CACHD1: variants seen among roughly 807,000 people sequenced by gnomAD.
CACHD1 encodes the protein cache domain containing 1.
Under a neutral mutation model 138.7 loss-of-function variants are expected in CACHD1, and 71 were observed. The ratio of observed to expected loss-of-function variants is 0.51; its 90% CI spans 0.42 to 0.62. The LOEUF (loss-of-function observed/expected upper bound fraction) is 0.62, where lower values mean the gene tolerates loss of function less well. CACHD1 is among the 20% of genes least tolerant of loss of function. The pLI is 0.00. For missense variants in CACHD1, 1,389 were observed against 1,625.3 expected (o/e 0.85, Z 2.50); for synonymous variants, 578 against 591.5 (o/e 0.98, Z 0.33).
intron 3 of CACHD1, among the ~76,000 whole-genome samples, chr1:64,586,663 T>A (rs1295550375): frequency 6.6e-6 from 1 of 152,178 alleles, no homozygotes; most frequent in Non-Finnish European, 1.5e-5. Flanking sequence ...TGTTTTTAGG[T>A]TATACTTAGA....
At chr1:64,675,355 C>T in intron 19 of CACHD1, 46 bp from the exon 20 acceptor site, 1 of 1,479,564 alleles carries the variant, frequency 6.8e-7, no homozygotes, top group Middle Eastern at 1.8e-4. Context: ...AGGGCTGAGT[C>T]TTTGCATTGC....
intron 8 of CACHD1, among the ~76,000 whole-genome samples, chr1:64,644,344 G>T (rs1557536441): frequency 6.6e-6 from 1 of 152,234 alleles, no homozygotes; most frequent in Non-Finnish European, 1.5e-5. Flanking sequence ...ATTATACAAA[G>T]TTCCTGTCTG....
At position 64,653,748 on chromosome 1, in the gene CACHD1, C is replaced by G. The variant is rs776960774; in HGVS notation, c.1541-10C>G. On this transcript the variant is annotated splice_polypyrimidine_tract_variant and intron_variant, in intron 10 of 26. Transcript: ENST00000651257. The stretch of plus-strand genomic sequence containing the variant: ...TTCTTATTAACATGCATTTTGTTTT[C>G]TTATTGCAGGATATACACTTATGCA... 6.2e-7 allele frequency: 1 copy of G among 1,602,568 alleles called. No homozygotes were observed. The highest frequency in any genetic ancestry group is 8.5e-7 in the Non-Finnish European group (1 of 1,174,910).
At chr1:64,518,383 C>G (rs902640331) in intron 1 of CACHD1, among the ~76,000 whole-genome samples, 2 of 152,114 alleles carry the variant, frequency 1.3e-5, no homozygotes, top group African/African-American at 4.8e-5. Context: ...TTTGCTGCAC[C>G]TATCAACCCA....
chr1:64,580,184 G>A (rs1423831948), intron 2 of CACHD1, among the ~76,000 whole-genome samples: 1 of 152,004 alleles, frequency 6.6e-6, no homozygotes, highest in African/African-American at 2.4e-5. Context: ...CTTTGGGGAA[G>A]GAAAAACAAA....
At chr1:64,578,107 T>C (rs1646983514) in intron 2 of CACHD1, among the ~76,000 whole-genome samples, 1 of 152,240 alleles carries the variant, frequency 6.6e-6, no homozygotes, top group Non-Finnish European at 1.5e-5. Flanking sequence ...CTGTGTGATT[T>C]GTCATATTTT....
chr1:64,671,720 C>A, intron 17 of CACHD1, 34 bp downstream of exon 17: 1 of 1,613,174 alleles, frequency 6.2e-7, no homozygotes, highest in South Asian at 1.1e-5. Context: ...TCCTTTCTAG[C>A]TGCAGTTTAA....
At chr1:64,591,378 AG>A in intron 3 of CACHD1, among the ~76,000 whole-genome samples, 1 of 152,364 alleles carries the variant, frequency 6.6e-6, no homozygotes, top group East Asian at 1.9e-4. Flanking sequence ...AGCACTGAAG[AG>A]GGACTTGCAT....
At chr1:64,480,089 C>T (rs1300980221) in intron 1 of CACHD1, among the ~76,000 whole-genome samples, 2 of 152,204 alleles carry the variant, frequency 1.3e-5, no homozygotes, top group African/African-American at 2.4e-5. Context: ...CCAGTGTGGT[C>T]CCTCCTGTGG....
At chr1:64,607,310 G>T (rs781341877) in intron 4 of CACHD1, among the ~76,000 whole-genome samples, 6 of 152,038 alleles carry the variant, frequency 3.9e-5, no homozygotes, top group Non-Finnish European at 7.4e-5. Flanking sequence ...GAAAGAGGGA[G>T]AGATCAACTT....
At chr1:64,629,737 T>G (rs1422127288) in intron 5 of CACHD1, among the ~76,000 whole-genome samples, 2 of 152,124 alleles carry the variant, frequency 1.3e-5, no homozygotes, top group Non-Finnish European at 2.9e-5. Context: ...GAAGTCAAAT[T>G]GTGTGAAGCA....
chr1:64,606,709 G>A (rs1340754163), intron 4 of CACHD1, among the ~76,000 whole-genome samples: 2 of 152,224 alleles, frequency 1.3e-5, no homozygotes, highest in African/African-American at 2.4e-5. Flanking sequence ...GGCAGCAGAT[G>A]ATGATAGCAT....
chr1:64,616,708 T>C (rs1198887838), intron 4 of CACHD1, among the ~76,000 whole-genome samples: 2 of 152,042 alleles, frequency 1.3e-5, no homozygotes, highest in Non-Finnish European at 2.9e-5. Flanking sequence ...AACTGAGAGA[T>C]TTTAAGCAGG....
chr1:64,674,785 A>G (rs955681125), intron 19 of CACHD1, among the ~76,000 whole-genome samples: 3 of 152,216 alleles, frequency 2.0e-5, no homozygotes, highest in Non-Finnish European at 4.4e-5. Flanking sequence ...CCACTTTGGA[A>G]TCTTTGATTT....
At position 64,587,097 on chromosome 1, in the gene CACHD1, A is replaced by T. The variant is rs535552057; in HGVS notation, c.410+4793A>T. Among the ~76,000 whole-genome samples, 8 of 152,016 alleles carry T rather than the reference A, an allele frequency of 5.3e-5. 1 individual carries two copies. The highest frequency in any genetic ancestry group is 4.1e-4 in the South Asian group (2 of 4,824). On this transcript the variant is annotated intron_variant, in intron 3 of 26. Coordinates refer to ENST00000651257, the MANE Select transcript of CACHD1 (RefSeq NM_020925.4). The stretch of plus-strand genomic sequence containing the variant: ...CTTAAGTCATCTGGGCCTTATGAAC[A>T]TTTTTTTTAAACTCAGCACTGACCC...
At chr1:64,637,007 G>A (rs933368165) in intron 7 of CACHD1, among the ~76,000 whole-genome samples, 1 of 152,120 alleles carries the variant, frequency 6.6e-6, no homozygotes, top group East Asian at 1.9e-4. Flanking sequence ...CCAATATTAT[G>A]GGGTGGCTGA....
chr1:64,585,549 A>G (rs1466567373), intron 3 of CACHD1, among the ~76,000 whole-genome samples: 3 of 152,234 alleles, frequency 2.0e-5, no homozygotes, highest in African/African-American at 7.2e-5. Context: ...CTGAAGATGC[A>G]GTATTCTCTC....
At chr1:64,592,185 G>C (rs1647111748) in intron 3 of CACHD1, among the ~76,000 whole-genome samples, 2 of 152,174 alleles carry the variant, frequency 1.3e-5, no homozygotes, top group African/African-American at 4.8e-5. Context: ...AGTTATCTCA[G>C]TTATCAGTTA....
At chr1:64,549,798 T>A (rs200482723) in intron 1 of CACHD1, among the ~76,000 whole-genome samples, 27 of 139,116 alleles carry the variant, frequency 1.9e-4, no homozygotes, top group South Asian at 4.4e-4. Flanking sequence ...TCTTTTTATT[T>A]TTTTTATTTT....
Sources: allele counts gnomAD v4.1 joint callset (sites outside exome capture counted in the v4.1 genomes callset), GRCh38; gene constraint gnomAD v4.1.1; transcripts MANE v1.5; gene names NCBI Gene and HGNC (gene_info 2026-07-23, HGNC 2026-07-21).